Variants in DSCAM observed in about 807,000 individuals in gnomAD.
DSCAM encodes DS cell adhesion molecule, also known as cell adhesion molecule DSCAM.
Under a neutral mutation model 217.7 loss-of-function variants are expected in DSCAM, and 47 were observed. That is an observed-to-expected ratio of 0.22 (90% CI 0.17 to 0.28). The LOEUF (loss-of-function observed/expected upper bound fraction) is 0.28, where lower values mean the gene tolerates loss of function less well. Among genes scored for constraint, DSCAM ranks in the 10% least tolerant of loss-of-function variants. The probability of loss-of-function intolerance (pLI) is 1.00; values close to 1 mark genes in which losing one functional copy is unlikely to be tolerated. For missense variants in DSCAM, 2,080 were observed against 2,618.3 expected, an observed-to-expected ratio of 0.79 and a Z score of 4.49; for synonymous variants, 1,056 against 1,015.3, an observed-to-expected ratio of 1.04 and a Z score of -0.76.
chr21:40,625,718 A>G (rs1358883155), intron 3 of DSCAM, among the ~76,000 whole-genome samples: 1 of 152,142 alleles, frequency 6.6e-6, no homozygotes, highest in African/African-American at 2.4e-5. Context: ...TCTCTATTGG[A>G]TCACTGTACT....
At chr21:40,077,262 C>CCTA (rs2089379298) in intron 26 of DSCAM, among the ~76,000 whole-genome samples, 1 of 152,082 alleles carries the variant, frequency 6.6e-6, no homozygotes, top group African/African-American at 2.4e-5. Context: ...GCCCTGAGAC[C>CCTA]CAGGCCAGAA....
At chr21:40,360,556 C>G (rs952260354) in intron 4 of DSCAM, among the ~76,000 whole-genome samples, 2 of 152,098 alleles carry the variant, frequency 1.3e-5, no homozygotes, top group Non-Finnish European at 2.9e-5. Flanking sequence ...TAAGTGAGAA[C>G]ATGAGGTACT....
At chr21:40,553,098 C>A (rs543816825) in intron 3 of DSCAM, among the ~76,000 whole-genome samples, 20 of 152,188 alleles carry the variant, frequency 1.3e-4, no homozygotes, top group Non-Finnish European at 2.6e-4. Flanking sequence ...AACCGTTTAA[C>A]AATCAGCTAG....
chr21:40,081,979 G>A (rs1404923114), intron 24 of DSCAM, among the ~76,000 whole-genome samples: 1 of 152,124 alleles, frequency 6.6e-6, no homozygotes, highest in Non-Finnish European at 1.5e-5. Context: ...AAAACCTAGG[G>A]TCCCTCGAGC....
chr21:40,826,993 G>A (rs749050201), intron 1 of DSCAM, among the ~76,000 whole-genome samples: 1 of 151,864 alleles, frequency 6.6e-6, no homozygotes. Context: ...AGGAAGGGAA[G>A]GGAAAGGAAG....
intron 8 of DSCAM, among the ~76,000 whole-genome samples, chr21:40,324,036 G>C (rs2074288795): frequency 7.9e-6 from 1 of 126,956 alleles, no homozygotes; most frequent in East Asian, 2.7e-4. Context: ...CCAGGAAGCA[G>C]AGATTGCAGT....
Position 40,012,678 on chromosome 21 carries a change from C to T in DSCAM, c.*356G>A. On this transcript the variant is annotated 3_prime_UTR_variant, in exon 33 of 33. Transcript: ENST00000400454. The stretch of plus-strand genomic sequence containing the variant: ...ATTCACAAATAGGCTGATTTCCCAC[C>T]CACCCTGTTTTCTTTCTTGCCTCTT... The T allele has an allele frequency of 6.3e-6, 1 of 159,672 alleles. No homozygotes were observed. The highest frequency in any genetic ancestry group is 1.4e-5 in the Non-Finnish European group (1 of 73,232). The allele number at this position is 159,672 out of a possible 1,614,324, so 9.9% of individuals were successfully genotyped here. A position where few individuals can be genotyped will look rare whatever the true frequency, so the allele number is the denominator to read the frequency against.
At chr21:40,782,816 TAA>T (rs1482874679) in intron 1 of DSCAM, among the ~76,000 whole-genome samples, 1 of 152,238 alleles carries the variant, frequency 6.6e-6, no homozygotes, top group East Asian at 1.9e-4. Context: ...ATTAAATAAA[TAA>T]GTGTCATATT....
intron 8 of DSCAM, among the ~76,000 whole-genome samples, chr21:40,334,389 T>C (rs2123572029): frequency 6.6e-6 from 1 of 152,326 alleles, no homozygotes; most frequent in African/African-American, 2.4e-5. Flanking sequence ...TTCCTGATAT[T>C]CAGGCCAGAA....
chr21:40,705,596 C>A (rs986069681), intron 2 of DSCAM, among the ~76,000 whole-genome samples: 1 of 152,128 alleles, frequency 6.6e-6, no homozygotes, highest in Admixed American at 6.5e-5. Context: ...AGAATGAATG[C>A]AAGCAACGGA....
At chr21:40,397,790 C>A (rs970187972) in intron 3 of DSCAM, among the ~76,000 whole-genome samples, 1 of 151,938 alleles carries the variant, frequency 6.6e-6, no homozygotes, top group South Asian at 2.1e-4. Flanking sequence ...CACTACTATG[C>A]TACTACTATT....
chr21:40,498,725 ATGGGTG>A (rs1473127678), intron 3 of DSCAM, among the ~76,000 whole-genome samples: 28 of 21,904 alleles, frequency 1.3e-3, no homozygotes, highest in African/African-American at 5.0e-3. Flanking sequence ...GTATATATAT[ATGGGTG>A]TGTGTATATA....
intron 19 of DSCAM, among the ~76,000 whole-genome samples, chr21:40,133,378 T>C (rs370757103): frequency 6.6e-6 from 1 of 152,136 alleles, no homozygotes; most frequent in Admixed American, 6.6e-5. Flanking sequence ...AAAATTAACA[T>C]GAAGTTCTCA....
At chr21:40,615,757 G>A (rs1328876590) in intron 3 of DSCAM, among the ~76,000 whole-genome samples, 1 of 152,118 alleles carries the variant, frequency 6.6e-6, no homozygotes, top group Non-Finnish European at 1.5e-5. Context: ...TTCCTGGGCA[G>A]AGAGCTCTAT....
At chr21:40,754,719 G>T (rs551153160) in intron 1 of DSCAM, among the ~76,000 whole-genome samples, 1 of 152,328 alleles carries the variant, frequency 6.6e-6, no homozygotes, top group African/African-American at 2.4e-5. Flanking sequence ...ATGGTAAGGA[G>T]GTGACAGGCT....
intron 1 of DSCAM, among the ~76,000 whole-genome samples, chr21:40,813,955 G>A (rs1411646605): frequency 1.3e-5 from 2 of 152,076 alleles, no homozygotes; most frequent in Non-Finnish European, 2.9e-5. Flanking sequence ...AGTTTTGACG[G>A]TTTCTTTTGG....
intron 1 of DSCAM, among the ~76,000 whole-genome samples, chr21:40,815,836 C>T (rs566657532): frequency 6.6e-6 from 1 of 152,280 alleles, no homozygotes; most frequent in Admixed American, 6.5e-5. Flanking sequence ...TCAGTTTGCT[C>T]ATCTGTAAAG....
At chr21:40,295,695 A>G (rs1040027759) in intron 10 of DSCAM, among the ~76,000 whole-genome samples, 30 of 152,212 alleles carry the variant, frequency 2.0e-4, no homozygotes, top group African/African-American at 5.3e-4. Context: ...AGTAGTTCTG[A>G]CAATTTAAAC....
At chr21:40,754,502 C>T (rs553350014) in intron 1 of DSCAM, among the ~76,000 whole-genome samples, 1 of 152,302 alleles carries the variant, frequency 6.6e-6, no homozygotes, top group African/African-American at 2.4e-5. Context: ...GAAATGGCAG[C>T]TTCATCTCTT....
Sources: gnomAD v4.1 joint callset for allele counts (sites outside exome capture counted in the v4.1 genomes callset) on GRCh38, gnomAD v4.1.1 for gene constraint, MANE v1.5 for transcripts, NCBI Gene and HGNC (gene_info 2026-07-23, HGNC 2026-07-21) for gene names.